Variants in STAG1 observed in about 807,000 individuals in gnomAD.
STAG1 encodes the protein STAG1 cohesin complex component.
A neutral mutation model predicts 170.9 loss-of-function variants in STAG1; 26 were observed. That is an observed-to-expected ratio of 0.15 (90% CI 0.11 to 0.21). The LOEUF (loss-of-function observed/expected upper bound fraction) is 0.21. STAG1 is among the 10% of genes least tolerant of loss of function. The pLI, the probability that STAG1 is intolerant of heterozygous loss-of-function variation, is 1.00. For missense variants in STAG1, 964 were observed against 1,509.5 expected, an observed-to-expected ratio of 0.64 and a Z score of 5.99; for synonymous variants, 514 against 497.7, an observed-to-expected ratio of 1.03 and a Z score of -0.44.
intron 9 of STAG1, among the ~76,000 whole-genome samples, chr3:136,488,620 A>G (rs1187104317): frequency 1.3e-5 from 2 of 152,228 alleles, no homozygotes; most frequent in Non-Finnish European, 2.9e-5. Context: ...TATGCCTATA[A>G]TACCCTGAAT....
At chr3:136,713,679 G>A (rs1943445691) in intron 1 of STAG1, among the ~76,000 whole-genome samples, 1 of 151,968 alleles carries the variant, frequency 6.6e-6, no homozygotes, top group South Asian at 2.1e-4. Flanking sequence ...CTTGAGGCCA[G>A]GAGTTAGAGA....
intron 14 of STAG1, among the ~76,000 whole-genome samples, chr3:136,448,410 G>A (rs1337923278): frequency 6.6e-6 from 1 of 152,142 alleles, no homozygotes; most frequent in Non-Finnish European, 1.5e-5. Flanking sequence ...TGAAGGAAGA[G>A]CAAAGGGACA....
At chr3:136,674,743 G>A (rs966957338) in intron 1 of STAG1, among the ~76,000 whole-genome samples, 4 of 152,052 alleles carry the variant, frequency 2.6e-5, no homozygotes, top group South Asian at 4.1e-4. Context: ...CAAATTGTAC[G>A]CTTTAAATAT....
At chr3:136,463,381 G>A (rs556125751) in intron 13 of STAG1, among the ~76,000 whole-genome samples, 18 of 152,288 alleles carry the variant, frequency 1.2e-4, no homozygotes, top group African/African-American at 3.6e-4. Flanking sequence ...ATCAAAGTTA[G>A]TCAATGATGC....
intron 3 of STAG1, among the ~76,000 whole-genome samples, chr3:136,608,162 C>CGGGAGAA (rs1559906373): frequency 6.6e-6 from 1 of 151,466 alleles, no homozygotes; most frequent in African/African-American, 2.4e-5. Flanking sequence ...GAGGCTGAGT[C>CGGGAGAA]GGGAGAATCG....
chr3:136,370,820 T>G (rs529000208), intron 23 of STAG1, among the ~76,000 whole-genome samples: 1 of 152,346 alleles, frequency 6.6e-6, no homozygotes, highest in East Asian at 1.9e-4. Context: ...GCAATAAACA[T>G]ACGTGTGCGT....
chr3:136,730,788 T>C (rs1047932962), intron 1 of STAG1, among the ~76,000 whole-genome samples: 4 of 152,208 alleles, frequency 2.6e-5, no homozygotes, highest in African/African-American at 9.7e-5. Context: ...CAGCTCTGTA[T>C]TTTAATCACT....
intron 1 of STAG1, among the ~76,000 whole-genome samples, chr3:136,692,644 A>G (rs1363080862): frequency 6.6e-6 from 1 of 152,186 alleles, no homozygotes; most frequent in Non-Finnish European, 1.5e-5. Flanking sequence ...CAAAAAAAAA[A>G]AAGTCAATTA....
intron 21 of STAG1, among the ~76,000 whole-genome samples, chr3:136,410,295 G>A (rs1256489182): frequency 6.6e-6 from 1 of 151,996 alleles, no homozygotes; most frequent in African/African-American, 2.4e-5. Context: ...AGCTACTTGG[G>A]AGGCTGAGGC....
intron 29 of STAG1, among the ~76,000 whole-genome samples, chr3:136,346,644 TATA>T (rs1157997635): frequency 6.6e-6 from 1 of 152,240 alleles, no homozygotes; most frequent in South Asian, 2.1e-4. Flanking sequence ...AGTGTTGACT[TATA>T]AGACATTTAT....
intron 30 of STAG1, among the ~76,000 whole-genome samples, chr3:136,342,875 G>A (rs72987432): frequency 0.011 from 1,749 of 152,262 alleles, 20 homozygotes; most frequent in African/African-American, 0.04. Flanking sequence ...TAGGAAGAGG[G>A]GTGGGGATAT....
At chr3:136,447,645 C>T (rs1318819059) in intron 14 of STAG1, among the ~76,000 whole-genome samples, 1 of 128,868 alleles carries the variant, frequency 7.8e-6, no homozygotes, top group African/African-American at 3.3e-5. Flanking sequence ...CTTAAACTGT[C>T]GCCCAGGCTG....
chr3:136,526,321 G>C (rs967202881), intron 6 of STAG1, among the ~76,000 whole-genome samples: 10 of 152,188 alleles, frequency 6.6e-5, no homozygotes, highest in Admixed American at 2.0e-4. Context: ...AGCTCTTCTT[G>C]TTGACTTGAT....
chr3:136,681,974 T>G (rs1942351441), intron 1 of STAG1, among the ~76,000 whole-genome samples: 1 of 152,124 alleles, frequency 6.6e-6, no homozygotes, highest in Non-Finnish European at 1.5e-5. Context: ...AGGGCAAGGA[T>G]GGCCACAGTC....
At chr3:136,478,203 G>T (rs1025923528) in intron 9 of STAG1, among the ~76,000 whole-genome samples, 1 of 152,302 alleles carries the variant, frequency 6.6e-6, no homozygotes, top group East Asian at 1.9e-4. Context: ...GGCTGAGACG[G>T]AAGAATCCAC....
intron 7 of STAG1, among the ~76,000 whole-genome samples, chr3:136,508,158 T>G (rs556310315): frequency 6.6e-6 from 1 of 152,334 alleles, no homozygotes; most frequent in South Asian, 2.1e-4. Flanking sequence ...GTTAGTCTTA[T>G]GTGTCCAGGC....
chr3:136,702,849 C>T (rs1042771708), intron 1 of STAG1, among the ~76,000 whole-genome samples: 5 of 151,990 alleles, frequency 3.3e-5, no homozygotes, highest in Non-Finnish European at 7.4e-5. Context: ...GCGGGCAGAT[C>T]ACGAGGTCAG....
intron 9 of STAG1, among the ~76,000 whole-genome samples, chr3:136,488,936 T>A (rs926799943): frequency 1.3e-5 from 2 of 152,214 alleles, no homozygotes; most frequent in Non-Finnish European, 2.9e-5. Context: ...AAGAAAGATG[T>A]CTAGCTGAGG....
At chr3:136,407,082 AG>A (rs2087505194) in intron 21 of STAG1, among the ~76,000 whole-genome samples, 1 of 152,110 alleles carries the variant, frequency 6.6e-6, no homozygotes, top group South Asian at 2.1e-4. Flanking sequence ...GCTGGAGCGC[AG>A]TTGCGCAATC....
Sources: allele counts gnomAD v4.1 joint callset (sites outside exome capture counted in the v4.1 genomes callset), GRCh38; gene constraint gnomAD v4.1.1; transcripts MANE v1.5; gene names NCBI Gene and HGNC (gene_info 2026-07-23, HGNC 2026-07-21).